The following APCDD1L variants were observed in gnomAD, a reference collection of about 807,000 sequenced individuals.
APCDD1L encodes the protein APC down-regulated 1 like, also known as protein APCDD1-like.
In APCDD1L, 21 loss-of-function variants were observed where a neutral mutation model predicts 24.2. The ratio of observed to expected loss-of-function variants is 0.87; its 90% CI spans 0.61 to 1.25. The LOEUF is 1.25. Ranked by LOEUF, APCDD1L falls within the 50% of genes most tolerant of loss-of-function variation. APCDD1L has a pLI of 0.00. For missense variants in APCDD1L, 704 were observed against 711.7 expected, an observed-to-expected ratio of 0.99 and a Z score of 0.12; for synonymous variants, 321 against 323.6, an observed-to-expected ratio of 0.99 and a Z score of 0.09.
chr20:58,481,895 G>C (rs548196327), intron 1 of APCDD1L, among the ~76,000 whole-genome samples: 1 of 152,270 alleles, frequency 6.6e-6, no homozygotes, highest in East Asian at 1.9e-4. Context: ...GAGACTGAAG[G>C]CAAAGGGTGA....
chr20:58,466,107 G>T (rs1989699677), intron 3 of APCDD1L, among the ~76,000 whole-genome samples: 1 of 127,994 alleles, frequency 7.8e-6, no homozygotes, highest in Non-Finnish European at 1.6e-5. Context: ...GTTTCTTTCT[G>T]CCTGTTTGCT....
chr20:58,483,540 G>C (rs1990064761), intron 1 of APCDD1L, among the ~76,000 whole-genome samples: 1 of 152,182 alleles, frequency 6.6e-6, no homozygotes, highest in Non-Finnish European at 1.5e-5. Flanking sequence ...AAGGCACAGA[G>C]GGATAGATTA....
intron 1 of APCDD1L, among the ~76,000 whole-genome samples, chr20:58,472,243 C>T (rs559948508): frequency 2.0e-5 from 3 of 152,194 alleles, no homozygotes; most frequent in Non-Finnish European, 4.4e-5. Context: ...AGGGGGATGA[C>T]GGCACCTGTT....
intron 3 of APCDD1L, among the ~76,000 whole-genome samples, chr20:58,464,122 G>A (rs955758745): frequency 1.3e-5 from 2 of 152,078 alleles, no homozygotes; most frequent in Non-Finnish European, 2.9e-5. Flanking sequence ...TTGGGATGCC[G>A]GCTGATAAGA....
chr20:58,467,141 G>A lies in APCDD1L; in HGVS notation c.706C>T (p.Pro236Ser), dbSNP rs760686920. The change falls in exon 3 of 4, where the codon CCC becomes TCC. Residue 236 changes from proline (P) to serine (S), a missense_variant. By Grantham distance (74) the Pro-to-Ser change is moderately conservative (BLOSUM62 -1). Transcript: ENST00000371149. This position sits in a 1 kb window ranked among gnomAD's most constrained non-coding sequence, Gnocchi z 5.9. ...TGCAGCGGGCGCTGGTAGCCCGTGG[G>A]CCGGTAGTGCCGCCTCTCCGCCGGG... is the stretch of plus-strand genomic sequence containing the variant. The part of the protein sequence containing the change: ...TDPAERRHYR[P>S]TGYQRPLQSA... 2 of 1,607,972 alleles carry A rather than the reference G, an allele frequency of 1.2e-6. No homozygotes were observed. The highest frequency in any genetic ancestry group is 1.3e-5 in the African/African-American group (1 of 74,916).
Position 58,515,215 on chromosome 20 carries a change from C to T in APCDD1L, c.-508G>A, listed in dbSNP as rs777814266. ...CTCTAAGCCCCGCCAGTCCTGGGACCCCTGAAGTTTCTATTCAGGTCTTCC... is the reference window on the plus strand; with the variant it reads ...CTCTAAGCCCCGCCAGTCCTGGGACTCCTGAAGTTTCTATTCAGGTCTTCC... On this transcript the variant is annotated 5_prime_UTR_variant, in exon 1 of 4. Transcript: ENST00000371149. 14 of 176,536 alleles carry T rather than the reference C, an allele frequency of 7.9e-5. No homozygotes were observed. The highest frequency in any genetic ancestry group is 1.1e-4 in the Non-Finnish European group (9 of 84,938). 10.9% of individuals were successfully genotyped at this position (176,536 alleles called of 1,614,324 possible). A position where few individuals can be genotyped will look rare whatever the true frequency, so the allele number is the denominator to read the frequency against.
Position 58,467,601 on chromosome 20 carries a change from G to T in APCDD1L, c.246C>A (p.Ser82Arg). The change falls in exon 3 of 4, where the codon AGC (serine) becomes AGA (arginine). Residue 82 changes from serine to arginine, a missense_variant. Transcript: ENST00000371149. This position sits in a 1 kb window ranked among gnomAD's most constrained non-coding sequence, Gnocchi z 5.9. ...AGAACTGGTGGGCTCGAAAGAGCCG[G>T]CTGGGGTAGAAGGTGTAGGCGCGGG... ...FLTRAYTFYP[S>R]RLFRAHQFYY... is the part of the protein sequence containing the mutation. The T allele has an allele frequency of 3.2e-6, 5 of 1,554,468 alleles. No homozygotes were observed. The highest frequency in any genetic ancestry group is 4.4e-6 in the Non-Finnish European group (5 of 1,147,630).
intron 1 of APCDD1L, among the ~76,000 whole-genome samples, chr20:58,489,818 C>A (rs1187607361): frequency 6.6e-6 from 1 of 152,018 alleles, no homozygotes; most frequent in East Asian, 1.9e-4. Context: ...TTTTGTGGAG[C>A]CTGAAGTTTA....
chr20:58,480,900 G>A (rs139615706), intron 1 of APCDD1L, among the ~76,000 whole-genome samples: 1 of 152,346 alleles, frequency 6.6e-6, no homozygotes, highest in Non-Finnish European at 1.5e-5. Flanking sequence ...AGCCAAGGAA[G>A]CAGGGTGACA....
chr20:58,495,724 G>A (rs1600870105), intron 1 of APCDD1L, among the ~76,000 whole-genome samples: 5 of 152,162 alleles, frequency 3.3e-5, no homozygotes, highest in Admixed American at 3.3e-4. Flanking sequence ...CTCACCGGGG[G>A]TCGCACACAC....
In APCDD1L at chr20:58,461,862, T is replaced by C; in HGVS notation, c.742-308A>G. ...TCTCAGCTGGGCACCAGAGAGAGCT[T>C]TCCCGAATGCCCCATGTAAGGTGGG... On this transcript the variant is annotated intron_variant, in intron 3 of 3. Transcript: ENST00000371149. This position sits in a 1 kb window ranked among gnomAD's most constrained non-coding sequence, Gnocchi z 6.0. 1 of 324,058 alleles carries C rather than the reference T, an allele frequency of 3.1e-6. No homozygotes were observed. Among genetic ancestry groups the C allele is most frequent in the Non-Finnish European group, 5.6e-6 (1 of 178,344 alleles). The allele number at this position is 324,058 out of a possible 1,614,324, so 20.1% of individuals were successfully genotyped here.
chr20:58,503,479 C>T (rs917080165), intron 1 of APCDD1L, among the ~76,000 whole-genome samples: 2 of 152,200 alleles, frequency 1.3e-5, no homozygotes, highest in South Asian at 2.1e-4. Context: ...TTTCAAAGAA[C>T]AAGTAATTTT....
chr20:58,501,529 T>G (rs1477810291), intron 1 of APCDD1L, among the ~76,000 whole-genome samples: 1 of 152,194 alleles, frequency 6.6e-6, no homozygotes, highest in African/African-American at 2.4e-5. Flanking sequence ...GACACCTTGA[T>G]CTCTGACTTC....
At chr20:58,468,991 G>A (rs1989766294) in intron 2 of APCDD1L, among the ~76,000 whole-genome samples, 1 of 152,164 alleles carries the variant, frequency 6.6e-6, no homozygotes, top group Admixed American at 6.5e-5. Flanking sequence ...TCTGGTCAGA[G>A]CTAATGTGTC....
intron 1 of APCDD1L, among the ~76,000 whole-genome samples, chr20:58,491,383 AAAT>A (rs1162066586): frequency 1.3e-5 from 2 of 152,230 alleles, no homozygotes; most frequent in Admixed American, 1.3e-4. Context: ...AAATTATTAG[AAAT>A]AATGAGAGTG....
intron 1 of APCDD1L, among the ~76,000 whole-genome samples, chr20:58,484,999 A>G (rs1309686886): frequency 6.7e-6 from 1 of 149,676 alleles, no homozygotes; most frequent in Non-Finnish European, 1.5e-5. Context: ...ATCGTTTTGC[A>G]TTTTGCTTTT....
intron 2 of APCDD1L, among the ~76,000 whole-genome samples, chr20:58,469,718 T>TCCCC (rs1989776597): frequency 6.6e-6 from 1 of 152,008 alleles, no homozygotes; most frequent in Non-Finnish European, 1.5e-5. Flanking sequence ...GAAGGACTCA[T>TCCCC]GTCCCCTTCC....
chr20:58,505,187 A>T (rs1297798000), intron 1 of APCDD1L, among the ~76,000 whole-genome samples: 1 of 152,172 alleles, frequency 6.6e-6, no homozygotes, highest in Non-Finnish European at 1.5e-5. Flanking sequence ...TTAGAATCAA[A>T]TATACTATAT....
At chr20:58,469,762 G>A (rs952831603) in intron 2 of APCDD1L, among the ~76,000 whole-genome samples, 2 of 152,210 alleles carry the variant, frequency 1.3e-5, no homozygotes, top group East Asian at 1.9e-4. Context: ...TTTGGCAGTC[G>A]GGAGTTTCTG....
Sources: gnomAD v4.1 joint callset for allele counts (sites outside exome capture counted in the v4.1 genomes callset) on GRCh38, gnomAD v4.1.1 for gene constraint, Gnocchi (gnomAD v3.1) non-coding constraint, MANE v1.5 for transcripts, NCBI Gene and HGNC (gene_info 2026-07-23, HGNC 2026-07-21) for gene names.